The following CTNNA2 variants were observed in gnomAD, a reference collection of about 807,000 sequenced individuals.
The protein encoded by CTNNA2 is catenin alpha-2.
A neutral mutation model predicts 101.0 loss-of-function variants in CTNNA2; 42 were observed. The observed-to-expected ratio is 0.42, with a 90% CI of 0.32 to 0.54. CTNNA2 has a LOEUF of 0.54. Ranked by LOEUF, CTNNA2 falls within the 20% of genes least tolerant of loss-of-function variation. The pLI, the probability that CTNNA2 is intolerant of heterozygous loss-of-function variation, is 0.14. For missense variants in CTNNA2, 871 were observed against 1,223.1 expected, an observed-to-expected ratio of 0.71 and a Z score of 4.29; for synonymous variants, 450 against 456.4, an observed-to-expected ratio of 0.99 and a Z score of 0.18.
At chr2:79,762,227 A>G (rs1024544194) in intron 3 of CTNNA2, among the ~76,000 whole-genome samples, 7 of 152,192 alleles carry the variant, frequency 4.6e-5, no homozygotes, top group African/African-American at 7.2e-5. Context: ...CCACTGCCCA[A>G]TGTTGGATTT....
At chr2:80,003,975 C>T (rs1693147182) in intron 7 of CTNNA2, among the ~76,000 whole-genome samples, 1 of 152,154 alleles carries the variant, frequency 6.6e-6, no homozygotes, top group South Asian at 2.1e-4. Context: ...TCCAACAGCT[C>T]CACTGGATTC....
intron 7 of CTNNA2, among the ~76,000 whole-genome samples, chr2:80,213,134 A>C (rs1708011474): frequency 1.3e-5 from 2 of 151,992 alleles, no homozygotes; most frequent in Admixed American, 6.6e-5. Context: ...CTAGCGGCCC[A>C]TCAATTTTGT....
At chr2:79,637,199 T>C (rs959181765) in intron 1 of CTNNA2, among the ~76,000 whole-genome samples, 3 of 152,186 alleles carry the variant, frequency 2.0e-5, no homozygotes, top group Non-Finnish European at 1.5e-5. Context: ...TTTTTTATTT[T>C]GTATTTTACT....
intron 1 of CTNNA2, among the ~76,000 whole-genome samples, chr2:79,610,590 A>G (rs770329864): frequency 2.6e-5 from 4 of 152,176 alleles, no homozygotes; most frequent in Admixed American, 6.5e-5. Flanking sequence ...GCAGAGTGAA[A>G]GAAGGCAGAT....
At chr2:79,307,369 A>G (rs1396289492) in intron 2 of CTNNA2, among the ~76,000 whole-genome samples, 1 of 152,160 alleles carries the variant, frequency 6.6e-6, no homozygotes, top group African/African-American at 2.4e-5. Context: ...GTATCCTTTA[A>G]CAAATCTATC....
At chr2:79,340,851 A>G (rs1321633257) in intron 3 of CTNNA2, among the ~76,000 whole-genome samples, 16 of 147,334 alleles carry the variant, frequency 1.1e-4, no homozygotes, top group Non-Finnish European at 1.6e-4. Context: ...AAAAAAAAAA[A>G]AAAGAAAAGA....
chr2:79,503,126 G>T (rs977248056), intron 4 of CTNNA2, among the ~76,000 whole-genome samples: 2 of 152,174 alleles, frequency 1.3e-5, no homozygotes, highest in South Asian at 2.1e-4. Context: ...TTTATTTTGG[G>T]TATTTCATCT....
chr2:79,417,389 G>C (rs1678495620), intron 4 of CTNNA2, among the ~76,000 whole-genome samples: 1 of 152,120 alleles, frequency 6.6e-6, no homozygotes. Flanking sequence ...TTCTTTTAAA[G>C]ATTGGAGCTT....
intron 7 of CTNNA2, among the ~76,000 whole-genome samples, chr2:80,113,070 A>G (rs535672841): frequency 6.6e-6 from 1 of 152,210 alleles, no homozygotes; most frequent in African/African-American, 2.4e-5. Flanking sequence ...CTTTACAGAG[A>G]TCTGGGAGCC....
At chr2:79,991,586 A>C (rs1473300765) in intron 7 of CTNNA2, among the ~76,000 whole-genome samples, 1 of 152,238 alleles carries the variant, frequency 6.6e-6, no homozygotes, top group Non-Finnish European at 1.5e-5. Context: ...CTCGGCATGC[A>C]AGCAGCATTC....
intron 8 of CTNNA2, among the ~76,000 whole-genome samples, chr2:80,395,600 A>T (rs1244036997): frequency 6.6e-6 from 1 of 152,246 alleles, no homozygotes; most frequent in African/African-American, 2.4e-5. Context: ...TGGCCCAGGT[A>T]GGTCATAAGC....
At chr2:80,381,537 G>A (rs951605691) in intron 7 of CTNNA2, among the ~76,000 whole-genome samples, 1 of 152,128 alleles carries the variant, frequency 6.6e-6, no homozygotes, top group South Asian at 2.1e-4. Context: ...TGCTGCCAGA[G>A]AGGACAGGAA....
At chr2:80,142,649 C>G (rs62140129) in intron 7 of CTNNA2, among the ~76,000 whole-genome samples, 10,203 of 152,208 alleles carry the variant, frequency 0.067, 355 homozygotes, top group South Asian at 0.091. Context: ...TGAGGCCATA[C>G]AAGCTTGTCC....
chr2:79,628,588 T>A (rs1005210386), intron 1 of CTNNA2, among the ~76,000 whole-genome samples: 1 of 152,232 alleles, frequency 6.6e-6, no homozygotes, highest in Non-Finnish European at 1.5e-5. Flanking sequence ...AAATGTGCAG[T>A]CCTAACTGAA....
chr2:80,567,956 T>C (rs1573300224), intron 12 of CTNNA2, among the ~76,000 whole-genome samples: 2 of 152,220 alleles, frequency 1.3e-5, no homozygotes, highest in East Asian at 3.9e-4. Flanking sequence ...TTCTTTTCTC[T>C]ATGCTCCATA....
intron 2 of CTNNA2, among the ~76,000 whole-genome samples, chr2:79,250,578 T>C (rs1438866515): frequency 2.6e-5 from 4 of 152,330 alleles, no homozygotes; most frequent in African/African-American, 9.6e-5. Context: ...GTAGCTTTTC[T>C]GGATTTGCGT....
chr2:79,311,626 C>T (rs1676376708), intron 2 of CTNNA2, among the ~76,000 whole-genome samples: 1 of 151,998 alleles, frequency 6.6e-6, no homozygotes. Context: ...TCAGAGTTGA[C>T]CCTTTCTCCC....
chr2:79,422,346 T>C (rs934114456), intron 4 of CTNNA2, among the ~76,000 whole-genome samples: 2 of 151,980 alleles, frequency 1.3e-5, no homozygotes, highest in East Asian at 1.9e-4. Flanking sequence ...AATATCTGAA[T>C]ACAACTGGCA....
intron 7 of CTNNA2, among the ~76,000 whole-genome samples, chr2:80,359,458 G>T (rs544791784): frequency 6.6e-6 from 1 of 152,134 alleles, no homozygotes. Context: ...GGAGGTGATT[G>T]GATCATGGGA....
Sources: allele counts gnomAD v4.1 joint callset (sites outside exome capture counted in the v4.1 genomes callset), GRCh38; gene constraint gnomAD v4.1.1; transcripts MANE v1.5; gene names NCBI Gene and HGNC (gene_info 2026-07-23, HGNC 2026-07-21).